ANKRD18B: variants seen among roughly 807,000 people sequenced by gnomAD.
ANKRD18B encodes the protein ankyrin repeat domain-containing protein 18B.
In ANKRD18B, 75 loss-of-function variants were observed where a neutral mutation model predicts 111.8. That is an observed-to-expected ratio of 0.67 (90% CI 0.56 to 0.81). ANKRD18B has a LOEUF of 0.81. Ranked by LOEUF, ANKRD18B falls within the 40% of genes least tolerant of loss-of-function variation. The pLI is 0.00. For synonymous variants in ANKRD18B, 356 were observed against 417.3 expected, an observed-to-expected ratio of 0.85 and a Z score of 1.79; for missense variants, 1,038 against 1,225.5, an observed-to-expected ratio of 0.85 and a Z score of 2.28.
chr9:33,566,514 A>G lies in ANKRD18B; in HGVS notation c.2742+14A>G, dbSNP rs187268210. On this transcript the variant is annotated intron_variant, in intron 15 of 18. Coordinates refer to ENST00000684830, the MANE Select transcript of ANKRD18B (RefSeq NM_001393611.1). Reference sequence around the variant, plus strand: ...ATCCATTTACAGGTTAGTTTTTAAAATCAGGTAAGTTTATCTGTAATGGGC... The same window carrying G: ...ATCCATTTACAGGTTAGTTTTTAAAGTCAGGTAAGTTTATCTGTAATGGGC... The G allele has an allele frequency of 1.1e-5, 17 of 1,601,276 alleles. No individual in the cohort carries two copies. The Middle Eastern group carries it at 1.1e-3, about 107-fold the overall frequency.
At position 33,572,502 on chromosome 9, in the gene ANKRD18B, C is replaced by T; in HGVS notation, c.*68C>T. 7.2e-7 allele frequency: 1 copy of T among 1,397,076 alleles called. No homozygotes were observed. The highest frequency in any genetic ancestry group is 9.4e-7 in the Non-Finnish European group (1 of 1,059,786). 86.5% of individuals were successfully genotyped at this position (1,397,076 alleles called of 1,614,324 possible). The stretch of plus-strand genomic sequence containing the variant: ...TAATTGTTTCTCATAAAATATAAAA[C>T]ATCACAATCTTTACTAAAGTAGAAT... On this transcript the variant is annotated 3_prime_UTR_variant, in exon 19 of 19. Transcript: ENST00000684830.
At chr9:33,533,389 G>T in intron 3 of ANKRD18B, 50 bp from the exon 4 acceptor site, 2 of 1,499,718 alleles carry the variant, frequency 1.3e-6, no homozygotes, top group South Asian at 1.3e-5. Context: ...TTAGTTCAGT[G>T]GAGAAATATG....
intron 10 of ANKRD18B, among the ~76,000 whole-genome samples, chr9:33,547,159 A>G (rs1828368739): frequency 6.6e-6 from 1 of 152,188 alleles, no homozygotes; most frequent in South Asian, 2.1e-4. Flanking sequence ...ACAAAGGCAG[A>G]AGACACATTT....
chr9:33,572,802 T>C lies in ANKRD18B; in HGVS notation c.*368T>C, dbSNP rs1828802331. 3.3e-6 allele frequency: 3 copies of C among 920,328 alleles called. No individual in the cohort carries two copies. Among genetic ancestry groups the C allele is most frequent in the Middle Eastern group, 5.5e-4 (1 of 1,804 alleles). The allele number at this position is 920,328 out of a possible 1,614,324, so 57.0% of individuals were successfully genotyped here. On this transcript the variant is annotated 3_prime_UTR_variant, in exon 19 of 19. Coordinates refer to ENST00000684830, the MANE Select transcript of ANKRD18B (RefSeq NM_001393611.1). ...TGTCCATACTAGTGTTATGATTTTC[T>C]TTTTGTAGTTCAATAGTATTTTGTG...
rs559929584 is a variant in ANKRD18B, at chr9:33,548,863, T to C, written c.2067+8T>C. On this transcript the variant is annotated splice_region_variant and intron_variant, in intron 11 of 18. Coordinates refer to ENST00000684830, the MANE Select transcript of ANKRD18B (RefSeq NM_001393611.1). The stretch of plus-strand genomic sequence containing the variant: ...GAAAAAGCAGAAAGAGAAGTAAGTA[T>C]GAAGAAAACTATAACCTTCTGGAAA... The C allele has an allele frequency of 1.0e-5, 15 of 1,469,308 alleles. No homozygotes were observed. The highest frequency in any genetic ancestry group is 4.3e-5 in the African/African-American group (3 of 69,934). The allele number at this position is 1,469,308 out of a possible 1,614,324, so 91.0% of individuals were successfully genotyped here.
At chr9:33,560,942 G>A (rs1828596721) in intron 14 of ANKRD18B, among the ~76,000 whole-genome samples, 1 of 152,144 alleles carries the variant, frequency 6.6e-6, no homozygotes, top group African/African-American at 2.4e-5. Flanking sequence ...TCCAGCCTGG[G>A]CTACAGAACA....
chr9:33,557,308 C>T (rs974131466), intron 13 of ANKRD18B, among the ~76,000 whole-genome samples: 4 of 151,788 alleles, frequency 2.6e-5, no homozygotes, highest in African/African-American at 9.7e-5. Flanking sequence ...TTTGGGTGTA[C>T]TTTTTTTTCT....
Position 33,548,684 on chromosome 9 carries a change from G to C in ANKRD18B, c.1896G>C (p.Glu632Asp). The C allele has an allele frequency of 4.5e-6, 7 of 1,551,112 alleles. No individual in the cohort carries two copies. Among genetic ancestry groups the C allele is most frequent in the Non-Finnish European group, 6.1e-6 (7 of 1,146,626 alleles). The part of the protein sequence containing the change: ...LENLLLERQL[E>D]DARKEGDNKE... ...ATCTCTTGCTTGAACGACAACTAGA[G>C]GATGCTCGTAAGGAAGGTGATAATA... is the stretch of plus-strand genomic sequence containing the variant. The change falls in exon 11 of 19, where the codon GAG becomes GAC. Residue 632 changes from glutamate (E) to aspartate (D), a missense_variant. By Grantham distance (45) the Glu-to-Asp change is conservative. Transcript: ENST00000684830.
chr9:33,564,152 G>A (rs368084780), intron 14 of ANKRD18B, among the ~76,000 whole-genome samples: 60 of 152,302 alleles, frequency 3.9e-4, no homozygotes, highest in Middle Eastern at 3.4e-3. Context: ...TTGTAGAGAT[G>A]TCTTTCTATG....
chr9:33,545,494 G>A (rs1007993241), intron 10 of ANKRD18B, among the ~76,000 whole-genome samples: 1 of 152,164 alleles, frequency 6.6e-6, no homozygotes, highest in Non-Finnish European at 1.5e-5. Context: ...TTACAAAGCC[G>A]AAAACCAATA....
intron 4 of ANKRD18B, 81 bp from the exon 5 acceptor site, chr9:33,534,289 A>G: frequency 6.8e-7 from 1 of 1,460,870 alleles, no homozygotes; most frequent in South Asian, 1.5e-5. Flanking sequence ...GCAAGATATG[A>G]AATTGGTAAA....
chr9:33,547,286 G>A lies in ANKRD18B; in HGVS notation c.1150-652G>A, dbSNP rs374943678. Among the ~76,000 whole-genome samples, 88 of 152,198 alleles carry A rather than the reference G, an allele frequency of 5.8e-4. 1 individual carries two copies. Among genetic ancestry groups the A allele is most frequent in the African/African-American group, 2.1e-3 (87 of 41,540 alleles). On this transcript the variant is annotated intron_variant, in intron 10 of 18. Coordinates refer to ENST00000684830, the MANE Select transcript of ANKRD18B (RefSeq NM_001393611.1). ...CAGAAGCCGTGAGGAAAATCCTGCA[G>A]CTTGCTTATATTTTTAACCTGTCTT...
chr9:33,541,113 GA>G, intron 8 of ANKRD18B, 33 bp from the exon 9 acceptor site: 1 of 1,537,186 alleles, frequency 6.5e-7, no homozygotes, highest in African/African-American at 1.4e-5. Flanking sequence ...ATGTTTTCCA[GA>G]AGGAATATCT....
Position 33,529,001 on chromosome 9 carries a change from C to T in ANKRD18B, c.323C>T (p.Ala108Val), listed in dbSNP as rs1563898242. ...DRLNRTPLMK[A>V]VHCQEEACAI... is the part of the protein sequence containing the mutation. ...TAGTTTTTTATCTAACACTAATAGG[C>T]TGTACACTGCCAGGAAGAGGCTTGT... Residue 108 changes from alanine to valine, a missense_variant and splice_region_variant, in exon 3 of 19, where the codon GCT (alanine) becomes GTT (valine). By Grantham distance (64) the Ala-to-Val change is moderately conservative. Coordinates refer to ENST00000684830, the MANE Select transcript of ANKRD18B (RefSeq NM_001393611.1). 16 of 1,612,578 alleles carry T rather than the reference C, an allele frequency of 9.9e-6. 1 individual carries two copies. The highest frequency in any genetic ancestry group is 1.3e-5 in the Non-Finnish European group (15 of 1,179,870).
At chr9:33,568,480 T>G (rs1479771574) in intron 16 of ANKRD18B, among the ~76,000 whole-genome samples, 191 bp from the exon 17 acceptor site, 1 of 152,228 alleles carries the variant, frequency 6.6e-6, no homozygotes, top group Non-Finnish European at 1.5e-5. Context: ...TAGAAACACA[T>G]ATACTTATTT....
At position 33,568,708 on chromosome 9, in the gene ANKRD18B, T is replaced by C; in HGVS notation, c.2992T>C (p.Phe998Leu). The part of the protein sequence containing the change: ...KKIAVISTKL[F>L]MEKERMEYFL... ...AATAGCTGTGATCAGCACCAAGCTC[T>C]TTATGGAGAAAGAGCGGATGGAATA... The change falls in exon 17 of 19, where the codon TTT becomes CTT. Residue 998 changes from phenylalanine to leucine, a missense_variant. Transcript: ENST00000684830. The C allele has an allele frequency of 6.4e-7, 1 of 1,551,036 alleles. No individual in the cohort carries two copies. The highest frequency in any genetic ancestry group is 2.4e-5 in the East Asian group (1 of 40,880).
intron 3 of ANKRD18B, among the ~76,000 whole-genome samples, chr9:33,531,080 T>C (rs753400111): frequency 1.3e-5 from 2 of 152,236 alleles, no homozygotes; most frequent in Admixed American, 6.5e-5. Flanking sequence ...TTTTAAACAC[T>C]GAAATCCTTG....
intron 15 of ANKRD18B, among the ~76,000 whole-genome samples, 191 bp downstream of exon 15, chr9:33,566,691 C>A (rs575318637): frequency 7.2e-5 from 11 of 152,006 alleles, no homozygotes; most frequent in Non-Finnish European, 1.2e-4. Context: ...ATAACAAAAT[C>A]AATCTTTCAA....
chr9:33,556,110 A>G (rs992924046), intron 13 of ANKRD18B, among the ~76,000 whole-genome samples: 1 of 152,188 alleles, frequency 6.6e-6, no homozygotes, highest in African/African-American at 2.4e-5. Context: ...TGTGTCATAG[A>G]GTCCAATGGA....
Sources: allele counts gnomAD v4.1 joint callset (sites outside exome capture counted in the v4.1 genomes callset), GRCh38; gene constraint gnomAD v4.1.1; transcripts MANE v1.5; gene names NCBI Gene and HGNC (gene_info 2026-07-23, HGNC 2026-07-21).